XRN1: variants seen among roughly 807,000 people sequenced by gnomAD.
XRN1 encodes the protein 5'-3' exoribonuclease 1.
A neutral mutation model predicts 222.3 loss-of-function variants in XRN1; 67 were observed. That is an observed-to-expected ratio of 0.30 (90% CI 0.25 to 0.37). The LOEUF (loss-of-function observed/expected upper bound fraction) is 0.37. Among genes scored for constraint, XRN1 ranks in the 10% least tolerant of loss-of-function variants. The pLI is 1.00. For missense variants in XRN1, 1,707 were observed against 2,000.2 expected (o/e 0.85, Z 2.80); for synonymous variants, 643 against 652.4 (o/e 0.99, Z 0.22).
intron 1 of XRN1, among the ~76,000 whole-genome samples, chr3:142,436,375 A>G (rs980075938): frequency 1.3e-5 from 2 of 152,232 alleles, no homozygotes; most frequent in African/African-American, 4.8e-5. Context: ...TAATTATAAC[A>G]ACCTTAAAAG....
chr3:142,428,979 A>T (rs2069389534), intron 2 of XRN1, among the ~76,000 whole-genome samples: 1 of 152,140 alleles, frequency 6.6e-6, no homozygotes, highest in South Asian at 2.1e-4. Flanking sequence ...AGAAACACAA[A>T]GGAAGAAAAG....
In XRN1 at chr3:142,384,551, A is replaced by G. The variant is rs1464460640; in HGVS notation, c.2474T>C (p.Val825Ala). The change falls in exon 21 of 41, where the codon GTT becomes GCT. Residue 825 changes from valine (V) to alanine (A), a missense_variant. Around this residue, in one of 2 missense-constraint regions of XRN1, gnomAD observed 1,234 missense variants for 1,518.2 expected, o/e 0.81. Transcript: ENST00000392981. ...RLEKQWSKQV[V>A]PFVYQTIVKD... ...GACAATAGTTTGATAAACAAAAGGA[A>G]CAACTTGTTTTGACCACTGTTTCTC... The G allele has an allele frequency of 6.2e-7, 1 of 1,611,590 alleles. No individual in the cohort carries two copies. Among genetic ancestry groups the G allele is most frequent in the East Asian group, 2.2e-5 (1 of 44,730 alleles).
chr3:142,402,622 G>A (rs560582061), intron 18 of XRN1, among the ~76,000 whole-genome samples: 3 of 152,128 alleles, frequency 2.0e-5, no homozygotes, highest in South Asian at 4.1e-4. Context: ...TGCTTACAAT[G>A]AATGACTTAG....
At chr3:142,446,934 A>G (rs2070530419) in intron 1 of XRN1, among the ~76,000 whole-genome samples, 1 of 152,220 alleles carries the variant, frequency 6.6e-6, no homozygotes, top group South Asian at 2.1e-4. Context: ...GGCTATTTAC[A>G]ATACTACCCA....
chr3:142,375,840 T>G lies in XRN1; in HGVS notation c.2936A>C (p.Tyr979Ser). The G allele has an allele frequency of 2.5e-6, 4 of 1,613,970 alleles. No individual in the cohort carries two copies. The highest frequency in any genetic ancestry group is 3.4e-6 in the Non-Finnish European group (4 of 1,179,924). ...CAGAAGTTGTTCTGCTGCAGATGAA[T>G]ACATCCATTCACTTCCAACTTTCTT... is the stretch of plus-strand genomic sequence containing the variant. ...YTKKVGSEWM[Y>S]SSAAEQLLAE... The change falls in exon 25 of 41, where the codon TAT becomes TCT. Residue 979 changes from tyrosine (Y) to serine (S), a missense_variant. Tyr to Ser is a moderately radical substitution (Grantham distance 144). Around this residue, in one of 2 missense-constraint regions of XRN1, gnomAD observed 1,234 missense variants for 1,518.2 expected, o/e 0.81. Coordinates refer to ENST00000392981, the MANE Select transcript of XRN1 (RefSeq NM_001282857.2).
intron 1 of XRN1, among the ~76,000 whole-genome samples, chr3:142,443,644 T>C (rs1267619655): frequency 1.3e-5 from 2 of 152,184 alleles, no homozygotes; most frequent in Non-Finnish European, 2.9e-5. Context: ...CTATTAAATC[T>C]TGCAACTGCA....
intron 5 of XRN1, among the ~76,000 whole-genome samples, 198 bp downstream of exon 5, chr3:142,425,024 A>C (rs757039642): frequency 2.3e-4 from 35 of 152,306 alleles, no homozygotes; most frequent in South Asian, 4.1e-4. Context: ...CTAATTATAG[A>C]GATCTGTTGG....
intron 19 of XRN1, among the ~76,000 whole-genome samples, chr3:142,399,800 T>TA (rs10598032): frequency 3.9e-4 from 56 of 144,060 alleles, no homozygotes; most frequent in Admixed American, 2.1e-4. Context: ...TGTGTAAATT[T>TA]AAAAAAAAAA....
intron 2 of XRN1, among the ~76,000 whole-genome samples, chr3:142,430,100 C>T (rs768946047): frequency 9.9e-5 from 15 of 152,170 alleles, no homozygotes; most frequent in Non-Finnish European, 2.1e-4. Context: ...CGAAACCACC[C>T]ATTTTGGTAG....
intron 37 of XRN1, among the ~76,000 whole-genome samples, chr3:142,324,105 AT>A (rs1472617922): frequency 1.4e-5 from 2 of 145,046 alleles, no homozygotes; most frequent in Non-Finnish European, 3.0e-5. Context: ...TATTATTTTT[AT>A]TTTTTTTACT....
At chr3:142,325,300 G>A (rs2065485583) in intron 37 of XRN1, among the ~76,000 whole-genome samples, 1 of 151,978 alleles carries the variant, frequency 6.6e-6, no homozygotes. Flanking sequence ...GTTTTGATTT[G>A]CATTTCTCTA....
At chr3:142,404,846 T>A (rs1298557983) in intron 16 of XRN1, 61 bp downstream of exon 16, 7 of 1,545,302 alleles carry the variant, frequency 4.5e-6, no homozygotes, top group Non-Finnish European at 6.2e-6. Flanking sequence ...CCTTCACCAC[T>A]TCTCGCACCC....
intron 33 of XRN1, among the ~76,000 whole-genome samples, chr3:142,343,272 G>T (rs1011854648): frequency 3.3e-5 from 5 of 151,944 alleles, no homozygotes; most frequent in Admixed American, 3.3e-4. Context: ...TGGCCAAGAT[G>T]GTGAAACCCT....
intron 20 of XRN1, 150 bp from the exon 21 acceptor site, chr3:142,384,835 T>C (rs534215937): frequency 7.4e-6 from 4 of 542,570 alleles, no homozygotes; most frequent in African/African-American, 3.9e-5. Flanking sequence ...GGTACCTAAC[T>C]TGAGACTTTT....
At chr3:142,397,794 T>C (rs1307431027) in intron 19 of XRN1, among the ~76,000 whole-genome samples, 1 of 152,156 alleles carries the variant, frequency 6.6e-6, no homozygotes, top group African/African-American at 2.4e-5. Context: ...AACAATTTAG[T>C]GTATATTTGA....
intron 34 of XRN1, among the ~76,000 whole-genome samples, chr3:142,334,269 A>G (rs1051403172): frequency 2.0e-5 from 3 of 152,078 alleles, no homozygotes; most frequent in African/African-American, 7.2e-5. Flanking sequence ...AAGTAATTAA[A>G]CCGTTTACTG....
At chr3:142,369,739 T>C (rs1029154741) in intron 27 of XRN1, among the ~76,000 whole-genome samples, 1 of 151,244 alleles carries the variant, frequency 6.6e-6, no homozygotes, top group Non-Finnish European at 1.5e-5. Flanking sequence ...AAAGATGAAC[T>C]GTGTCTTTAA....
intron 25 of XRN1, among the ~76,000 whole-genome samples, chr3:142,374,210 C>T (rs989296830): frequency 8.5e-5 from 13 of 152,148 alleles, no homozygotes; most frequent in Admixed American, 7.2e-4. Context: ...ATATGGCAGA[C>T]TGGTGAAGAA....
chr3:142,311,949 G>C (rs372167306), intron 40 of XRN1, 136 bp from the exon 41 acceptor site: 2 of 906,638 alleles, frequency 2.2e-6, no homozygotes, highest in Non-Finnish European at 3.2e-6. Flanking sequence ...TAATTGCCAA[G>C]TAAGACTTTA....
Sources: gnomAD v4.1 joint callset for allele counts (sites outside exome capture counted in the v4.1 genomes callset) on GRCh38, gnomAD v4.1.1 for gene constraint, gnomAD v4.1.1 regional missense constraint, MANE v1.5 for transcripts, NCBI Gene and HGNC (gene_info 2026-07-23, HGNC 2026-07-21) for gene names.